Variants in SSBP3 observed in about 807,000 individuals in gnomAD.
SSBP3 encodes single-stranded DNA-binding protein 3.
Under a neutral mutation model 69.6 loss-of-function variants are expected in SSBP3, and 5 were observed. The ratio of observed to expected loss-of-function variants is 0.07; its 90% CI spans 0.04 to 0.15. SSBP3 has a LOEUF of 0.15. SSBP3 is among the 10% of genes least tolerant of loss of function. The pLI is 1.00. For synonymous variants in SSBP3, 196 were observed against 193.4 expected (o/e 1.01, Z -0.11); for missense variants, 312 against 534.0 (o/e 0.58, Z 4.10).
chr1:54,345,986 CAA>C (rs74870023), intron 4 of SSBP3, among the ~76,000 whole-genome samples: 1 of 134,390 alleles, frequency 7.4e-6, no homozygotes, highest in African/African-American at 2.7e-5. Context: ...CACAAAAATA[CAA>C]AAAAAAAAAA....
exon 18 of SSBP3, chr1:54,226,482 T>C (rs1644286694): frequency 6.5e-6 from 1 of 152,982 alleles, no homozygotes; most frequent in Non-Finnish European, 1.5e-5. Flanking sequence ...GACTGCCTTT[T>C]CTTCTTTCCA....
chr1:54,375,197 C>T (rs1223849413), intron 4 of SSBP3, among the ~76,000 whole-genome samples: 1 of 152,166 alleles, frequency 6.6e-6, no homozygotes, highest in Non-Finnish European at 1.5e-5. Context: ...GCACAACAGC[C>T]ATCATCAGAC....
chr1:54,368,729 C>T (rs11206342), intron 4 of SSBP3, among the ~76,000 whole-genome samples: 10,004 of 152,176 alleles, frequency 0.066, 820 homozygotes, highest in African/African-American at 0.19. Flanking sequence ...GGCTATAGAC[C>T]CTTTATTGAA....
At chr1:54,300,586 A>G (rs1455342735) in intron 4 of SSBP3, among the ~76,000 whole-genome samples, 1 of 152,120 alleles carries the variant, frequency 6.6e-6, no homozygotes, top group Non-Finnish European at 1.5e-5. Flanking sequence ...GAAAGGAAGG[A>G]TTATTTCTGC....
At chr1:54,396,460 T>C (rs1648895128) in intron 4 of SSBP3, among the ~76,000 whole-genome samples, 1 of 152,086 alleles carries the variant, frequency 6.6e-6, no homozygotes, top group Admixed American at 6.6e-5. Context: ...GATCCCCAAG[T>C]ACACACACCT....
intron 4 of SSBP3, among the ~76,000 whole-genome samples, chr1:54,376,935 G>A (rs1647262128): frequency 6.6e-6 from 1 of 152,130 alleles, no homozygotes; most frequent in Non-Finnish European, 1.5e-5. Context: ...CACACAAAGA[G>A]CCTGGCCCCT....
chr1:54,263,208 T>C (rs1029017306), intron 5 of SSBP3, among the ~76,000 whole-genome samples: 1 of 152,198 alleles, frequency 6.6e-6, no homozygotes, highest in African/African-American at 2.4e-5. Context: ...GAGCAGAGCA[T>C]TCCCACTGTA....
At chr1:54,411,478 G>GAA (rs71066916) in intron 1 of SSBP3, among the ~76,000 whole-genome samples, 75 of 137,806 alleles carry the variant, frequency 5.4e-4, no homozygotes, top group South Asian at 7.0e-4. Context: ...ACTCTGTCTT[G>GAA]AAAAAAAAAA....
chr1:54,310,131 G>C (rs1161753945), intron 4 of SSBP3, among the ~76,000 whole-genome samples: 3 of 152,184 alleles, frequency 2.0e-5, no homozygotes, highest in African/African-American at 4.8e-5. Context: ...GTCCCGAGCA[G>C]GTGAACACCA....
intron 4 of SSBP3, among the ~76,000 whole-genome samples, chr1:54,303,699 A>C (rs985213335): frequency 6.6e-6 from 1 of 152,228 alleles, no homozygotes; most frequent in African/African-American, 2.4e-5. Flanking sequence ...GCAGCTACCA[A>C]GTACTTGAAA....
At chr1:54,297,929 T>G (rs1645729995) in intron 4 of SSBP3, among the ~76,000 whole-genome samples, 1 of 152,108 alleles carries the variant, frequency 6.6e-6, no homozygotes, top group South Asian at 2.1e-4. Flanking sequence ...CTGGACCAGA[T>G]GTTCCATCAG....
chr1:54,265,458 C>T (rs535778915), intron 5 of SSBP3, among the ~76,000 whole-genome samples: 256 of 152,318 alleles, frequency 1.7e-3, no homozygotes, highest in Middle Eastern at 0.01. Flanking sequence ...TAGGTGGGTC[C>T]TCAGGGGGCT....
intron 4 of SSBP3, among the ~76,000 whole-genome samples, chr1:54,394,279 T>C (rs773092876): frequency 2.0e-5 from 3 of 152,218 alleles, no homozygotes; most frequent in Non-Finnish European, 2.9e-5. Flanking sequence ...GAAAGAACAC[T>C]AGGTGACCTC....
intron 6 of SSBP3, among the ~76,000 whole-genome samples, chr1:54,257,572 G>A (rs942050440): frequency 6.6e-6 from 1 of 152,146 alleles, no homozygotes. Flanking sequence ...GACAAAGCTG[G>A]ACACACGAGC....
chr1:54,250,543 G>C (rs1253727953), intron 9 of SSBP3, among the ~76,000 whole-genome samples: 2 of 21,598 alleles, frequency 9.3e-5, no homozygotes, highest in Non-Finnish European at 1.6e-4. Flanking sequence ...GGCGGGAATG[G>C]GGGGGGGCAC....
At chr1:54,307,861 G>A (rs977920221) in intron 4 of SSBP3, among the ~76,000 whole-genome samples, 1 of 152,192 alleles carries the variant, frequency 6.6e-6, no homozygotes, top group South Asian at 2.1e-4. Flanking sequence ...CCCTTATTTA[G>A]CAGATGATCA....
chr1:54,350,512 G>A (rs1195785661), intron 4 of SSBP3, among the ~76,000 whole-genome samples: 1 of 152,238 alleles, frequency 6.6e-6, no homozygotes, highest in Non-Finnish European at 1.5e-5. Flanking sequence ...GAGGGCCACA[G>A]CCAAGAGAGA....
At chr1:54,268,284 C>T (rs1413470626) in intron 5 of SSBP3, among the ~76,000 whole-genome samples, 1 of 152,264 alleles carries the variant, frequency 6.6e-6, no homozygotes, top group African/African-American at 2.4e-5. Context: ...TGCAAAGACA[C>T]ATCCCACTTC....
chr1:54,292,197 G>C (rs1645619964), intron 4 of SSBP3, among the ~76,000 whole-genome samples: 2 of 152,196 alleles, frequency 1.3e-5, no homozygotes, highest in African/African-American at 4.8e-5. Context: ...TGCAACAGTT[G>C]GTGCATGCCA....
Sources: allele counts gnomAD v4.1 joint callset (sites outside exome capture counted in the v4.1 genomes callset), GRCh38; gene constraint gnomAD v4.1.1; transcripts MANE v1.5; gene names NCBI Gene and HGNC (gene_info 2026-07-23, HGNC 2026-07-21).